AGBL4: variants seen among roughly 807,000 people sequenced by gnomAD.
AGBL4 encodes AGBL carboxypeptidase 4.
AGBL4 carries 58 observed loss-of-function variants against 66.4 expected under a neutral mutation model. The observed-to-expected ratio is 0.87, with a 90% confidence interval of 0.71 to 1.09. AGBL4 has a LOEUF of 1.09. AGBL4 is among the 50% of genes least tolerant of loss of function. The pLI is 0.00. For synonymous variants in AGBL4, 234 were observed against 222.9 expected (o/e 1.05, Z -0.44); for missense variants, 579 against 631.0 (o/e 0.92, Z 0.88).
intron 9 of AGBL4, among the ~76,000 whole-genome samples, chr1:48,602,706 T>C (rs1373456670): frequency 6.6e-6 from 1 of 151,620 alleles, no homozygotes; most frequent in Non-Finnish European, 1.5e-5. Flanking sequence ...CTTTATTTGG[T>C]GTAGGCAGCT....
At chr1:49,157,589 A>T (rs567848193) in intron 4 of AGBL4, among the ~76,000 whole-genome samples, 1 of 152,310 alleles carries the variant, frequency 6.6e-6, no homozygotes, top group South Asian at 2.1e-4. Flanking sequence ...TCCATTGGGT[A>T]TATACCCAGT....
In AGBL4 at chr1:49,563,623, A is replaced by G. The variant is rs993314698; in HGVS notation, c.282+133690T>C. On this transcript the variant is annotated intron_variant, in intron 3 of 13. Transcript: ENST00000371839. ...TGCTGGATTACATTTATTGATTTTC[A>G]TATGTTGAACCAGCCTTGCATCCCA... 4.0e-5 allele frequency among the ~76,000 whole-genome samples: 6 copies of G among 151,178 alleles called. No individual in the cohort carries two copies. The South Asian group carries it at 6.3e-4, about 16-fold the overall frequency.
At chr1:48,665,456 C>A (rs983361681) in intron 6 of AGBL4, among the ~76,000 whole-genome samples, 1 of 152,062 alleles carries the variant, frequency 6.6e-6, no homozygotes, top group Admixed American at 6.5e-5. Flanking sequence ...AAAGAAATAT[C>A]GACTCATATT....
chr1:49,498,715 T>C (rs904124077), intron 3 of AGBL4, among the ~76,000 whole-genome samples: 1 of 151,926 alleles, frequency 6.6e-6, no homozygotes, highest in African/African-American at 2.4e-5. Context: ...TGGTCATATA[T>C]GGCCTTTACT....
chr1:50,008,312 A>G (rs976401591), intron 1 of AGBL4, among the ~76,000 whole-genome samples: 1 of 152,198 alleles, frequency 6.6e-6, no homozygotes, highest in Non-Finnish European at 1.5e-5. Flanking sequence ...AAATTATATC[A>G]AGTATCTTCT....
intron 3 of AGBL4, among the ~76,000 whole-genome samples, chr1:49,667,747 T>C (rs764072370): frequency 3.3e-5 from 5 of 152,228 alleles, no homozygotes; most frequent in Non-Finnish European, 7.3e-5. Context: ...CTTAACTTTG[T>C]ATATGTAAAA....
intron 5 of AGBL4, among the ~76,000 whole-genome samples, chr1:48,928,250 A>C (rs1211708571): frequency 1.3e-5 from 2 of 152,204 alleles, no homozygotes; most frequent in Non-Finnish European, 2.9e-5. Context: ...CTAGAATGAA[A>C]GCTTAATCAA....
At chr1:49,872,834 G>T (rs1284285574) in intron 1 of AGBL4, among the ~76,000 whole-genome samples, 1 of 151,910 alleles carries the variant, frequency 6.6e-6, no homozygotes, top group Non-Finnish European at 1.5e-5. Flanking sequence ...AAGAAAAAAT[G>T]TTTGAAAATA....
intron 11 of AGBL4, among the ~76,000 whole-genome samples, chr1:48,568,639 C>T (rs937721891): frequency 6.6e-6 from 1 of 152,170 alleles, no homozygotes; most frequent in African/African-American, 2.4e-5. Flanking sequence ...CAACCACAGC[C>T]CTTCCCTGTA....
chr1:49,928,869 T>C (rs1419983856), intron 1 of AGBL4, among the ~76,000 whole-genome samples: 1 of 151,742 alleles, frequency 6.6e-6, no homozygotes, highest in East Asian at 1.9e-4. Flanking sequence ...TGCACCCATA[T>C]GTTCATCGCA....
intron 3 of AGBL4, among the ~76,000 whole-genome samples, chr1:49,622,056 T>G (rs1395494046): frequency 1.3e-5 from 2 of 152,186 alleles, no homozygotes; most frequent in Non-Finnish European, 2.9e-5. Context: ...ACCTCTAGGA[T>G]GTGAAGGATT....
intron 4 of AGBL4, among the ~76,000 whole-genome samples, chr1:49,114,792 TTTCAGAACACATACAACATTTATCGA>T (rs1645482408): frequency 6.6e-6 from 1 of 152,164 alleles, no homozygotes; most frequent in South Asian, 2.1e-4. Context: ...TCAGTGGAGC[TTTCAGAACACATACAACATTTATCGA>T]TTAAGTTTGT....
intron 9 of AGBL4, among the ~76,000 whole-genome samples, chr1:48,600,977 T>C (rs542563625): frequency 6.6e-6 from 1 of 152,282 alleles, no homozygotes; most frequent in African/African-American, 2.4e-5. Context: ...TCCACGTCTA[T>C]GCCTGGAAAC....
intron 9 of AGBL4, among the ~76,000 whole-genome samples, chr1:48,603,378 G>T (rs563615901): frequency 1.5e-3 from 224 of 152,300 alleles, no homozygotes; most frequent in African/African-American, 5.1e-3. Context: ...GCTGAGGCAG[G>T]AGAATTGCTT....
At chr1:49,722,459 A>G (rs1369945106) in intron 2 of AGBL4, among the ~76,000 whole-genome samples, 1 of 152,186 alleles carries the variant, frequency 6.6e-6, no homozygotes, top group African/African-American at 2.4e-5. Context: ...AAGTAAACAA[A>G]TAAGGTGATT....
chr1:49,674,726 C>T (rs562537093), intron 3 of AGBL4, among the ~76,000 whole-genome samples: 4 of 151,630 alleles, frequency 2.6e-5, no homozygotes, highest in Non-Finnish European at 4.4e-5. Flanking sequence ...AAAAAAAGAA[C>T]GAAATCACCA....
chr1:49,538,084 T>C (rs1006096943), intron 3 of AGBL4, among the ~76,000 whole-genome samples: 3 of 152,168 alleles, frequency 2.0e-5, no homozygotes, highest in Non-Finnish European at 4.4e-5. Flanking sequence ...GATCTAGGAA[T>C]CTCACTACTG....
At chr1:49,004,428 G>T (rs1661624118) in intron 5 of AGBL4, among the ~76,000 whole-genome samples, 1 of 152,184 alleles carries the variant, frequency 6.6e-6, no homozygotes, top group Non-Finnish European at 1.5e-5. Context: ...AAATGAAATG[G>T]CATATAAAAA....
chr1:48,974,554 C>T (rs1292003321), intron 5 of AGBL4, among the ~76,000 whole-genome samples: 1 of 152,062 alleles, frequency 6.6e-6, no homozygotes, highest in Non-Finnish European at 1.5e-5. Flanking sequence ...TAGTTAGATT[C>T]CCATAAATTT....
Sources: allele counts gnomAD v4.1 joint callset (sites outside exome capture counted in the v4.1 genomes callset), GRCh38; gene constraint gnomAD v4.1.1; transcripts MANE v1.5; gene names NCBI Gene and HGNC (gene_info 2026-07-23, HGNC 2026-07-21).